BRAF: variants seen among roughly 807,000 people sequenced by gnomAD.
BRAF encodes serine/threonine-protein kinase B-raf.
In BRAF, 16 loss-of-function variants were observed where a neutral mutation model predicts 104.6. That is an observed-to-expected ratio of 0.15 (90% CI 0.10 to 0.23). The LOEUF (loss-of-function observed/expected upper bound fraction) is 0.23, where lower values mean the gene tolerates loss of function less well. Ranked by LOEUF, BRAF falls within the 10% of genes least tolerant of loss-of-function variation. The pLI, the probability that BRAF is intolerant of heterozygous loss-of-function variation, is 1.00. For synonymous variants in BRAF, 310 were observed against 341.6 expected (o/e 0.91, Z 1.02); for missense variants, 541 against 937.3 (o/e 0.58, Z 5.52).
intron 3 of BRAF, among the ~76,000 whole-genome samples, chr7:140,825,129 C>T (rs887292675): frequency 2.1e-4 from 32 of 152,048 alleles, no homozygotes; most frequent in African/African-American, 7.2e-4. Flanking sequence ...GCCACCACGC[C>T]CAGCTAATTT....
At chr7:140,909,712 G>A (rs896608633) in intron 1 of BRAF, among the ~76,000 whole-genome samples, 4 of 151,946 alleles carry the variant, frequency 2.6e-5, no homozygotes, top group African/African-American at 7.3e-5. Context: ...CTGAATTCCT[G>A]AAAATCTTAG....
chr7:140,717,035 TGACAACA>T (rs955372288), downstream of BRAF, among the ~76,000 whole-genome samples: 1 of 152,200 alleles, frequency 6.6e-6, no homozygotes, highest in Non-Finnish European at 1.5e-5. Flanking sequence ...AGATTGGTGA[TGACAACA>T]GTAGGGACAA....
At chr7:140,874,060 A>G (rs1019197385) in intron 1 of BRAF, among the ~76,000 whole-genome samples, 1 of 152,196 alleles carries the variant, frequency 6.6e-6, no homozygotes, top group Non-Finnish European at 1.5e-5. Context: ...ACACACTTCA[A>G]AGATTTAGTC....
Position 140,924,450 on chromosome 7 carries a change from G to C in BRAF, c.138+116C>G, listed in dbSNP as rs1818633030. The stretch of plus-strand genomic sequence containing the variant: ...TGCCCACCTCCCAGCCCGCGGAGCT[G>C]GCCCGAGAAGGTGGCTGAGGGCATC... On this transcript the variant is annotated intron_variant, in intron 1 of 19. Transcript: ENST00000644969. This position sits in a 1 kb window ranked among gnomAD's most constrained non-coding sequence, Gnocchi z 4.2. 3 of 1,442,322 alleles carry C rather than the reference G, an allele frequency of 2.1e-6. No individual in the cohort carries two copies. The highest frequency in any genetic ancestry group is 2.8e-6 in the Non-Finnish European group (3 of 1,067,084). The allele number at this position is 1,442,322 out of a possible 1,614,324, so 89.3% of individuals were successfully genotyped here. A position where few individuals can be genotyped will look rare whatever the true frequency, so the allele number is the denominator to read the frequency against.
intron 3 of BRAF, among the ~76,000 whole-genome samples, chr7:140,830,938 T>C (rs908341006): frequency 5.9e-5 from 9 of 152,336 alleles, no homozygotes; most frequent in African/African-American, 2.2e-4. Context: ...TGTGAGCTAT[T>C]CTAGCAAATG....
Position 140,801,549 on chromosome 7 carries a change from C to T in BRAF, c.723G>A (p.Thr241=), listed in dbSNP as rs369182143. 6.4e-5 allele frequency: 104 copies of T among 1,612,576 alleles called. No individual in the cohort carries two copies. Among genetic ancestry groups the T allele is most frequent in the Middle Eastern group, 1.7e-4 (1 of 6,012 alleles). The part of the protein sequence containing the change: ...PLTTHNFVRK[T]FFTLAFCDFC... ...AGTCACAAAATGCTAAGGTGAAAAA[C>T]GTTTTTCGTACCTGCAAAGTAAAAA... The change falls in exon 6 of 20, where the codon ACG becomes ACA. Residue 241 remains threonine, a synonymous_variant. Coordinates refer to ENST00000644969, the MANE Select transcript of BRAF (RefSeq NM_001374258.1).
chr7:140,869,796 C>T (rs1811373294), intron 1 of BRAF, among the ~76,000 whole-genome samples: 1 of 152,154 alleles, frequency 6.6e-6, no homozygotes, highest in South Asian at 2.1e-4. Flanking sequence ...GAATTAACTG[C>T]CACTTTAAAA....
intron 1 of BRAF, among the ~76,000 whole-genome samples, chr7:140,865,417 C>G (rs985912891): frequency 2.6e-5 from 4 of 152,134 alleles, no homozygotes; most frequent in Non-Finnish European, 5.9e-5. Flanking sequence ...GAAGAAGCAG[C>G]TGCACTGCCA....
chr7:140,807,036 A>G (rs1803725079), intron 5 of BRAF, among the ~76,000 whole-genome samples: 1 of 152,214 alleles, frequency 6.6e-6, no homozygotes, highest in African/African-American at 2.4e-5. Flanking sequence ...CCTGATTCAG[A>G]GACAACTTTT....
chr7:140,738,183 T>A (rs1300721313), intron 18 of BRAF, among the ~76,000 whole-genome samples: 1 of 152,122 alleles, frequency 6.6e-6, no homozygotes, highest in Non-Finnish European at 1.5e-5. Context: ...AACAGTAACT[T>A]TGAAACCTGA....
chr7:140,723,373 T>C lies in BRAF; in HGVS notation c.*3121A>G, dbSNP rs1472327777. On this transcript the variant is annotated 3_prime_UTR_variant, in exon 20 of 20. Coordinates refer to ENST00000644969, the MANE Select transcript of BRAF (RefSeq NM_001374258.1). Reference sequence around the variant, plus strand: ...CTTTCTTCTCCAACACCAACATAAATATAGCATATATCATTTGTATGGGAT... The same window carrying C: ...CTTTCTTCTCCAACACCAACATAAACATAGCATATATCATTTGTATGGGAT... The C allele has an allele frequency of 4.7e-6, 5 of 1,054,596 alleles. No homozygotes were observed. 65.3% of individuals were successfully genotyped at this position (1,054,596 alleles called of 1,614,324 possible). A position where few individuals can be genotyped will look rare whatever the true frequency, so the allele number is the denominator to read the frequency against.
At chr7:140,894,942 G>C (rs1814710085) in intron 1 of BRAF, among the ~76,000 whole-genome samples, 1 of 152,008 alleles carries the variant, frequency 6.6e-6, no homozygotes, top group Non-Finnish European at 1.5e-5. Context: ...CATTTTCTTT[G>C]GTCTGATATA....
chr7:140,748,734 G>A (rs1379714299), intron 17 of BRAF, among the ~76,000 whole-genome samples: 2 of 152,146 alleles, frequency 1.3e-5, no homozygotes, highest in African/African-American at 2.4e-5. Flanking sequence ...GGCTATGTTA[G>A]TACCTTTTGG....
chr7:140,719,535 C>T lies in BRAF; in HGVS notation c.*6959G>A. ...CAATATTTTCTGTTATACAAATTTACATGAGAAAAACTCCAAAGTACAAAT... is the reference window on the plus strand; with the variant it reads ...CAATATTTTCTGTTATACAAATTTATATGAGAAAAACTCCAAAGTACAAAT... On this transcript the variant is annotated 3_prime_UTR_variant, in exon 20 of 20. Coordinates refer to ENST00000644969, the MANE Select transcript of BRAF (RefSeq NM_001374258.1). The T allele has an allele frequency of 3.8e-6, 4 of 1,043,714 alleles. No homozygotes were observed. The highest frequency in any genetic ancestry group is 4.6e-6 in the Non-Finnish European group (4 of 863,054). 64.7% of individuals were successfully genotyped at this position (1,043,714 alleles called of 1,614,324 possible). A position where few individuals can be genotyped will look rare whatever the true frequency, so the allele number is the denominator to read the frequency against.
chr7:140,900,556 TTTAG>T (rs1051835340), intron 1 of BRAF, among the ~76,000 whole-genome samples: 4 of 152,230 alleles, frequency 2.6e-5, no homozygotes, highest in Non-Finnish European at 5.9e-5. Flanking sequence ...ATCCATATTA[TTTAG>T]TATTACCTGC....
intron 2 of BRAF, among the ~76,000 whole-genome samples, chr7:140,839,237 G>C (rs545351587): frequency 6.6e-6 from 1 of 152,242 alleles, no homozygotes; most frequent in African/African-American, 2.4e-5. Context: ...CTCTTTGGGA[G>C]GTCAACGCTG....
intron 3 of BRAF, among the ~76,000 whole-genome samples, chr7:140,829,343 ATTTTTTT>A (rs558419776): frequency 7.4e-6 from 1 of 134,854 alleles, no homozygotes. Context: ...AAAGATTTAC[ATTTTTTT>A]TTTTTTTTGG....
At chr7:140,911,867 A>G (rs193264476) in intron 1 of BRAF, among the ~76,000 whole-genome samples, 7 of 152,350 alleles carry the variant, frequency 4.6e-5, no homozygotes, top group Non-Finnish European at 8.8e-5. Flanking sequence ...CTATTTCCCA[A>G]TGATTCCATG....
intron 1 of BRAF, among the ~76,000 whole-genome samples, chr7:140,901,663 T>G (rs1815651894): frequency 6.6e-6 from 1 of 152,218 alleles, no homozygotes. Context: ...ATTTAGGTGG[T>G]CTGTCTCTAA....
Sources: gnomAD v4.1 joint callset for allele counts (sites outside exome capture counted in the v4.1 genomes callset) on GRCh38, gnomAD v4.1.1 for gene constraint, Gnocchi (gnomAD v3.1) non-coding constraint, MANE v1.5 for transcripts, NCBI Gene and HGNC (gene_info 2026-07-23, HGNC 2026-07-21) for gene names.